TRABD2B: variants seen among roughly 807,000 people sequenced by gnomAD.
TRABD2B encodes the protein metalloprotease TIKI2.
TRABD2B carries 14 observed loss-of-function variants against 40.1 expected under a neutral mutation model. The ratio of observed to expected loss-of-function variants is 0.35; its 90% CI spans 0.23 to 0.55. The LOEUF (loss-of-function observed/expected upper bound fraction) is 0.55. Ranked by LOEUF, TRABD2B falls within the 20% of genes least tolerant of loss-of-function variation. TRABD2B has a pLI of 0.90. For synonymous variants in TRABD2B, 263 were observed against 277.0 expected (o/e 0.95, Z 0.50); for missense variants, 541 against 648.6 (o/e 0.83, Z 1.80).
chr1:47,949,842 T>C (rs1305343780), intron 2 of TRABD2B, among the ~76,000 whole-genome samples: 8 of 152,358 alleles, frequency 5.3e-5, no homozygotes, highest in African/African-American at 1.7e-4. Flanking sequence ...ATTTCATTCA[T>C]TCATTCACTC....
intron 2 of TRABD2B, among the ~76,000 whole-genome samples, chr1:47,933,328 G>A (rs765982841): frequency 6.6e-6 from 1 of 151,782 alleles, no homozygotes; most frequent in Non-Finnish European, 1.5e-5. Flanking sequence ...TAGCCAGGAT[G>A]ATCTCGATCT....
intron 2 of TRABD2B, among the ~76,000 whole-genome samples, chr1:47,841,334 T>C (rs918828561): frequency 1.3e-5 from 2 of 152,142 alleles, no homozygotes; most frequent in Non-Finnish European, 2.9e-5. Context: ...CCAACACACA[T>C]ACCAGATGTT....
chr1:47,859,380 G>A (rs938921601), intron 2 of TRABD2B, among the ~76,000 whole-genome samples: 3 of 152,130 alleles, frequency 2.0e-5, no homozygotes, highest in African/African-American at 7.2e-5. Flanking sequence ...AGCTCCAGTT[G>A]GACCCCAGCC....
intron 2 of TRABD2B, among the ~76,000 whole-genome samples, chr1:47,893,436 G>C (rs1644477132): frequency 6.6e-6 from 1 of 152,154 alleles, no homozygotes; most frequent in African/African-American, 2.4e-5. Flanking sequence ...CCATCTGGGG[G>C]ATGTTGAACA....
intron 6 of TRABD2B, among the ~76,000 whole-genome samples, chr1:47,773,311 G>A (rs569282736): frequency 5.1e-4 from 77 of 152,240 alleles, no homozygotes; most frequent in Non-Finnish European, 5.3e-4. Context: ...CCTCACTCCC[G>A]ATTAGAAGGG....
At chr1:47,995,805 A>G (rs1646082167) in intron 1 of TRABD2B, among the ~76,000 whole-genome samples, 3 of 152,208 alleles carry the variant, frequency 2.0e-5, no homozygotes, top group Admixed American at 2.0e-4. Flanking sequence ...CGATAGACTG[A>G]GAGCCCAGTC....
At position 47,794,575 on chromosome 1, in the gene TRABD2B, C is replaced by A; in HGVS notation, c.988+11G>T. On this transcript the variant is annotated intron_variant, in intron 4 of 6. Coordinates refer to ENST00000606738, the MANE Select transcript of TRABD2B (RefSeq NM_001194986.2). ...TTCTGCAAACAATCCCTTCCCCACA[C>A]TGGCCCAAACCTGCTCCGAAGGCAA... 1.3e-6 allele frequency: 2 copies of A among 1,513,570 alleles called. No individual in the cohort carries two copies. The highest frequency in any genetic ancestry group is 8.8e-7 in the Non-Finnish European group (1 of 1,131,534). 93.8% of individuals were successfully genotyped at this position (1,513,570 alleles called of 1,614,324 possible).
At chr1:47,794,545 C>A (rs751541552) in intron 4 of TRABD2B, 41 bp downstream of exon 4, 19 of 1,481,994 alleles carry the variant, frequency 1.3e-5, no homozygotes, top group Non-Finnish European at 1.7e-5. Flanking sequence ...GCAAATCTCC[C>A]AGGATTCTGC....
At position 47,803,415 on chromosome 1, in the gene TRABD2B, G is replaced by A. The variant is rs76929958; in HGVS notation, c.667-1796C>T. Among the ~76,000 whole-genome samples the A allele has an allele frequency of 8.6e-3, 1,314 of 152,292 alleles. 22 individuals are homozygous for A. Among genetic ancestry groups the A allele is most frequent in the African/African-American group, 0.03 (1,252 of 41,556 alleles). ...GTCTGCACCTCTGCCACTGCCCTGA[G>A]AACAATCCAGGCTAGACTGCTGGAT... On this transcript the variant is annotated intron_variant, in intron 2 of 6. Transcript: ENST00000606738.
intron 2 of TRABD2B, among the ~76,000 whole-genome samples, chr1:47,910,057 G>A (rs1395448260): frequency 2.6e-5 from 4 of 151,268 alleles, no homozygotes; most frequent in African/African-American, 7.3e-5. Context: ...ATGGGGTTTC[G>A]CCAAGTTGCC....
At chr1:47,832,942 A>G (rs1645270202) in intron 2 of TRABD2B, among the ~76,000 whole-genome samples, 1 of 152,204 alleles carries the variant, frequency 6.6e-6, no homozygotes, top group African/African-American at 2.4e-5. Flanking sequence ...TGTCACAGTC[A>G]TAGGCTCCTA....
intron 2 of TRABD2B, among the ~76,000 whole-genome samples, chr1:47,812,502 A>G (rs945499346): frequency 1.3e-5 from 2 of 152,138 alleles, no homozygotes; most frequent in Non-Finnish European, 2.9e-5. Flanking sequence ...CTGAGGCAGG[A>G]GGATGGCCAG....
intron 2 of TRABD2B, among the ~76,000 whole-genome samples, chr1:47,835,818 AG>A (rs1190118275): frequency 6.6e-6 from 1 of 152,250 alleles, no homozygotes; most frequent in Non-Finnish European, 1.5e-5. Flanking sequence ...ACATAAACCC[AG>A]GAAGAAATAA....
Position 47,778,505 on chromosome 1 carries a change from C to G in TRABD2B, c.1028G>C (p.Arg343Pro). 1 of 1,536,152 alleles carries G rather than the reference C, an allele frequency of 6.5e-7. No homozygotes were observed. Among genetic ancestry groups the G allele is most frequent in the Non-Finnish European group, 8.7e-7 (1 of 1,146,910 alleles). ...GTGGTCCACCTCCAGCCCTGCCTGC[C>G]GCAGGATGTCGATGACTGTGTTGTT... ...LGNNTVIDILRQAGLEVDHTP... is the reference protein window; with the variant it reads ...LGNNTVIDILPQAGLEVDHTP... Residue 343 changes from arginine (R) to proline (P), a missense_variant, in exon 5 of 7, where the codon CGG becomes CCG. Physicochemically the swap from Arg to Pro is moderately radical, Grantham distance 103. Coordinates refer to ENST00000606738, the MANE Select transcript of TRABD2B (RefSeq NM_001194986.2).
intron 2 of TRABD2B, among the ~76,000 whole-genome samples, chr1:47,829,589 C>T (rs1232784233): frequency 6.6e-6 from 1 of 152,144 alleles, no homozygotes; most frequent in Non-Finnish European, 1.5e-5. Context: ...CCCAAATCTT[C>T]AACCCAGAAC....
chr1:47,995,513 TG>T (rs1557703211), intron 1 of TRABD2B, among the ~76,000 whole-genome samples: 6 of 151,912 alleles, frequency 3.9e-5, no homozygotes, highest in East Asian at 1.9e-4. Context: ...TGTGTGTGTG[TG>T]TGTGTGCGCG....
intron 2 of TRABD2B, among the ~76,000 whole-genome samples, chr1:47,874,994 T>C (rs1166515667): frequency 6.6e-6 from 1 of 152,160 alleles, no homozygotes; most frequent in Non-Finnish European, 1.5e-5. Context: ...CAGTCTGTCC[T>C]CACACACTTG....
At chr1:47,797,073 T>C (rs1644759240) in intron 3 of TRABD2B, among the ~76,000 whole-genome samples, 1 of 152,248 alleles carries the variant, frequency 6.6e-6, no homozygotes, top group Non-Finnish European at 1.5e-5. Context: ...ATGTAGGGCC[T>C]GAAGTCAGAC....
intron 2 of TRABD2B, among the ~76,000 whole-genome samples, chr1:47,816,422 A>T (rs538620057): frequency 1.3e-5 from 2 of 151,700 alleles, no homozygotes; most frequent in African/African-American, 4.8e-5. Flanking sequence ...GTCTCTCTGG[A>T]CTCCTCCTGC....
Sources: allele counts gnomAD v4.1 joint callset (sites outside exome capture counted in the v4.1 genomes callset), GRCh38; gene constraint gnomAD v4.1.1; transcripts MANE v1.5; gene names NCBI Gene and HGNC (gene_info 2026-07-23, HGNC 2026-07-21).